Variants in FHIT observed in about 807,000 individuals in gnomAD.
FHIT encodes fragile histidine triad diadenosine triphosphatase.
In FHIT, 19 loss-of-function variants were observed where a neutral mutation model predicts 17.9. The ratio of observed to expected loss-of-function variants is 1.06; its 90% CI spans 0.74 to 1.56. The LOEUF (loss-of-function observed/expected upper bound fraction) is 1.56, where lower values mean the gene tolerates loss of function less well. Ranked by LOEUF, FHIT falls within the 40% of genes most tolerant of loss-of-function variation. The pLI is 0.00. For synonymous variants in FHIT, 81 were observed against 69.7 expected, an observed-to-expected ratio of 1.16 and a Z score of -0.81; for missense variants, 248 against 189.2, an observed-to-expected ratio of 1.31 and a Z score of -1.82.
intron 5 of FHIT, among the ~76,000 whole-genome samples, chr3:60,146,213 C>T (rs995311800): frequency 2.0e-5 from 3 of 147,744 alleles, no homozygotes; most frequent in Non-Finnish European, 4.4e-5. Flanking sequence ...TAGGTCTAGG[C>T]AGTGAGGCTG....
At chr3:60,425,792 A>C (rs1702640390) in intron 5 of FHIT, among the ~76,000 whole-genome samples, 2 of 103,312 alleles carry the variant, frequency 1.9e-5, no homozygotes, top group South Asian at 4.4e-4. Context: ...TAATCAATAG[A>C]GATTAAAGGA....
chr3:60,804,951 T>C (rs1553733508), intron 4 of FHIT, among the ~76,000 whole-genome samples: 1 of 152,232 alleles, frequency 6.6e-6, no homozygotes, highest in East Asian at 1.9e-4. Flanking sequence ...CTGTTATATT[T>C]CCTTTTCTAG....
At chr3:60,131,529 A>G (rs754735295) in intron 5 of FHIT, among the ~76,000 whole-genome samples, 39 of 152,136 alleles carry the variant, frequency 2.6e-4, no homozygotes, top group Non-Finnish European at 2.4e-4. Context: ...AAAACTGCCT[A>G]TGCTCTGTGT....
intron 2 of FHIT, among the ~76,000 whole-genome samples, chr3:61,055,369 G>C (rs191208415): frequency 3.9e-5 from 6 of 152,068 alleles, no homozygotes; most frequent in Non-Finnish European, 8.8e-5. Context: ...TTAGGGTCTC[G>C]TCCATAATAG....
At chr3:60,427,104 G>C (rs1174951062) in intron 5 of FHIT, among the ~76,000 whole-genome samples, 3 of 152,014 alleles carry the variant, frequency 2.0e-5, no homozygotes, top group African/African-American at 7.2e-5. Flanking sequence ...AGGGGCTGAG[G>C]CTTTTTTTTC....
chr3:60,900,172 G>C (rs1370363102), intron 3 of FHIT, among the ~76,000 whole-genome samples: 1 of 152,184 alleles, frequency 6.6e-6, no homozygotes, highest in Non-Finnish European at 1.5e-5. Context: ...CCTACTTCAA[G>C]ATCATCTCCA....
intron 3 of FHIT, among the ~76,000 whole-genome samples, chr3:60,927,619 G>T (rs1449877498): frequency 1.3e-5 from 2 of 150,884 alleles, no homozygotes; most frequent in East Asian, 3.9e-4. Flanking sequence ...TGTGAGGAGC[G>T]CCTCTGCCCG....
At chr3:59,972,894 T>C (rs146444114) in intron 7 of FHIT, among the ~76,000 whole-genome samples, 75 of 152,232 alleles carry the variant, frequency 4.9e-4, no homozygotes, top group Admixed American at 2.8e-3. Context: ...GATCTACATG[T>C]TGCTCTTCAG....
chr3:61,214,804 C>A (rs939279735), intron 1 of FHIT, among the ~76,000 whole-genome samples: 11 of 152,192 alleles, frequency 7.2e-5, no homozygotes, highest in Admixed American at 1.3e-4. Flanking sequence ...CAAAGCTTAT[C>A]CACCATGATC....
At chr3:60,219,954 T>A (rs1032059455) in intron 5 of FHIT, among the ~76,000 whole-genome samples, 11 of 152,202 alleles carry the variant, frequency 7.2e-5, no homozygotes, top group Non-Finnish European at 1.5e-4. Flanking sequence ...CTCATATTTT[T>A]GTTTCTCTGT....
At chr3:59,820,469 T>C (rs1055236005) in intron 8 of FHIT, among the ~76,000 whole-genome samples, 2 of 152,222 alleles carry the variant, frequency 1.3e-5, no homozygotes, top group Non-Finnish European at 2.9e-5. Flanking sequence ...GTTACTGATG[T>C]GTAGGTGAGA....
chr3:60,362,146 A>G (rs1699932432), intron 5 of FHIT, among the ~76,000 whole-genome samples: 1 of 152,142 alleles, frequency 6.6e-6, no homozygotes. Context: ...TAGATAGTGA[A>G]ATGGTTACTA....
At chr3:61,218,359 CG>C (rs1560088034) in intron 1 of FHIT, among the ~76,000 whole-genome samples, 1 of 152,068 alleles carries the variant, frequency 6.6e-6, no homozygotes, top group Non-Finnish European at 1.5e-5. Flanking sequence ...GGAAGGTCAT[CG>C]AGGAACTCAG....
intron 5 of FHIT, among the ~76,000 whole-genome samples, chr3:60,137,060 A>C (rs1023760135): frequency 2.6e-5 from 4 of 152,220 alleles, no homozygotes; most frequent in Non-Finnish European, 5.9e-5. Flanking sequence ...CGTATTATTC[A>C]AACAATTTTC....
At chr3:60,080,305 G>A (rs1576052290) in intron 5 of FHIT, among the ~76,000 whole-genome samples, 1 of 152,098 alleles carries the variant, frequency 6.6e-6, no homozygotes, top group East Asian at 1.9e-4. Context: ...GGGGGTGGGA[G>A]AACCTCTGCT....
chr3:60,529,840 C>A (rs1330131680), intron 5 of FHIT, among the ~76,000 whole-genome samples: 5 of 152,154 alleles, frequency 3.3e-5, no homozygotes, highest in African/African-American at 7.2e-5. Context: ...TATCATTCTA[C>A]CATTCACTAG....
intron 5 of FHIT, among the ~76,000 whole-genome samples, chr3:60,497,201 T>C (rs1367241134): frequency 1.3e-5 from 2 of 152,030 alleles, no homozygotes; most frequent in South Asian, 2.1e-4. Flanking sequence ...CACAAGAAAG[T>C]AGTTATCTGG....
Position 60,268,804 on chromosome 3 carries a change from T to C in FHIT, c.104-254652A>G, listed in dbSNP as rs149941968. Among the ~76,000 whole-genome samples, 10 of 152,218 alleles carry C rather than the reference T, an allele frequency of 6.6e-5. No homozygotes were observed. In the East Asian group the frequency reaches 1.9e-3, roughly 29 times the overall value. ...GCATTAAGGTTGCAGATGATGAAGG[T>C]TGCTAATCTGCTGGCCTTAAGGCAG... is the stretch of plus-strand genomic sequence containing the variant. On this transcript the variant is annotated intron_variant, in intron 5 of 9. Coordinates refer to ENST00000492590, the MANE Select transcript of FHIT (RefSeq NM_002012.4).
At chr3:60,462,409 T>G (rs889570601) in intron 5 of FHIT, among the ~76,000 whole-genome samples, 4 of 152,142 alleles carry the variant, frequency 2.6e-5, no homozygotes, top group South Asian at 2.1e-4. Flanking sequence ...CAACCCTACC[T>G]CCTCTCCCAA....
Sources: allele counts gnomAD v4.1 joint callset (sites outside exome capture counted in the v4.1 genomes callset), GRCh38; gene constraint gnomAD v4.1.1; transcripts MANE v1.5; gene names NCBI Gene and HGNC (gene_info 2026-07-23, HGNC 2026-07-21).